TPO: variants seen among roughly 807,000 people sequenced by gnomAD.
TPO encodes thyroid peroxidase.
In TPO, 78 loss-of-function variants were observed where a neutral mutation model predicts 96.9. The observed-to-expected ratio is 0.81, with a 90% confidence interval of 0.67 to 0.97. The LOEUF (loss-of-function observed/expected upper bound fraction) is 0.97. TPO is among the 50% of genes least tolerant of loss of function. TPO has a pLI of 0.00. For missense variants in TPO, 1,252 were observed against 1,274.8 expected, an observed-to-expected ratio of 0.98 and a Z score of 0.27; for synonymous variants, 547 against 538.0, an observed-to-expected ratio of 1.02 and a Z score of -0.23.
intron 14 of TPO, among the ~76,000 whole-genome samples, chr2:1,504,966 C>T (rs1474255788): frequency 6.6e-6 from 1 of 152,122 alleles, no homozygotes; most frequent in Non-Finnish European, 1.5e-5. Context: ...GGACGTCCAG[C>T]CAGGGCGGAG....
At chr2:1,459,640 T>C (rs6732480) in intron 7 of TPO, among the ~76,000 whole-genome samples, 83,318 of 152,090 alleles carry the variant, frequency 0.55, 23,059 homozygotes, top group East Asian at 0.77. Flanking sequence ...AGTTACAAAA[T>C]TCTGGGCATC....
At chr2:1,527,243 G>T (rs1676787237) in intron 15 of TPO, among the ~76,000 whole-genome samples, 1 of 92,620 alleles carries the variant, frequency 1.1e-5, no homozygotes, top group Non-Finnish European at 2.0e-5. Context: ...CCCCCACTGT[G>T]TGCAACCTCC....
At chr2:1,422,397 C>CAGCCGCCTCTCCTGGA (rs1467468825) in intron 2 of TPO, among the ~76,000 whole-genome samples, 1 of 54,870 alleles carries the variant, frequency 1.8e-5, no homozygotes, top group East Asian at 4.7e-4. Flanking sequence ...CCGCGCTGGG[C>CAGCCGCCTCTCCTGGA]CATGGGGAGA....
chr2:1,516,968 G>A lies in TPO; in HGVS notation c.2604G>A (p.Thr868=), dbSNP rs774122174. 40 of 1,613,802 alleles carry A rather than the reference G, an allele frequency of 2.5e-5. No homozygotes were observed. The African/African-American group carries it at 2.9e-4, about 12-fold the overall frequency. ...GAGGCTTCGCAGGTCTCACCTCGACGGTGATTTGCAGGTGGTAAGTCCTTC... is the reference window on the plus strand; with the variant it reads ...GAGGCTTCGCAGGTCTCACCTCGACAGTGATTTGCAGGTGGTAAGTCCTTC... ...LIGGFAGLTS[T]VICRWTRTGT... Residue 868 remains threonine, a synonymous_variant, in exon 15 of 17, where the codon ACG becomes ACA. Transcript: ENST00000329066.
At chr2:1,485,358 A>C (rs997302404) in intron 9 of TPO, among the ~76,000 whole-genome samples, 1 of 152,188 alleles carries the variant, frequency 6.6e-6, no homozygotes, top group Non-Finnish European at 1.5e-5. Context: ...TAGTGCTGCA[A>C]TAAACATACG....
chr2:1,410,280 G>T (rs535261256), upstream of TPO, among the ~76,000 whole-genome samples: 68 of 152,274 alleles, frequency 4.5e-4, no homozygotes, highest in Middle Eastern at 3.4e-3. Flanking sequence ...GATGAAGCTG[G>T]GGGCGAGGAA....
intron 1 of TPO, among the ~76,000 whole-genome samples, chr2:1,389,995 G>A (rs1224469433): frequency 1.3e-5 from 2 of 150,736 alleles, no homozygotes; most frequent in Admixed American, 1.3e-4. Flanking sequence ...CATACAAGAG[G>A]TTAAGTGGTT....
chr2:1,398,561 C>A (rs1275379986), intron 1 of TPO, among the ~76,000 whole-genome samples: 1 of 152,222 alleles, frequency 6.6e-6, no homozygotes, highest in Non-Finnish European at 1.5e-5. Flanking sequence ...CAGGCGGAGA[C>A]CTCTGTCCCT....
intron 2 of TPO, among the ~76,000 whole-genome samples, chr2:1,418,996 C>CAT (rs1573096345): frequency 6.6e-6 from 1 of 152,174 alleles, no homozygotes; most frequent in South Asian, 2.1e-4. Flanking sequence ...TTTTGGCTTT[C>CAT]ATATATATAT....
At chr2:1,540,901 T>A in intron 16 of TPO, 178 bp downstream of exon 16, 1 of 1,545,426 alleles carries the variant, frequency 6.5e-7, no homozygotes, top group East Asian at 2.5e-5. Context: ...TGAGCCAGAA[T>A]GTGAGCCTGC....
chr2:1,497,013 G>A (rs1411512442), intron 13 of TPO, among the ~76,000 whole-genome samples: 1 of 152,180 alleles, frequency 6.6e-6, no homozygotes, highest in African/African-American at 2.4e-5. Context: ...ACCGGTGAGG[G>A]AAGAGAGAGG....
At chr2:1,518,664 TA>T (rs1337727162) in intron 15 of TPO, among the ~76,000 whole-genome samples, 3 of 152,242 alleles carry the variant, frequency 2.0e-5, no homozygotes, top group Admixed American at 1.3e-4. Context: ...CTAACAAAAC[TA>T]ACATACACCA....
chr2:1,387,373 C>A (rs1573053947), intron 1 of TPO, among the ~76,000 whole-genome samples: 1 of 152,194 alleles, frequency 6.6e-6, no homozygotes, highest in Admixed American at 6.5e-5. Context: ...TTGGTCTTTT[C>A]ACATAGTCCC....
At chr2:1,541,303 G>A (rs868692488) in intron 16 of TPO, 7 of 560,134 alleles carry the variant, frequency 1.2e-5, no homozygotes, top group South Asian at 5.6e-5. Context: ...TCTGCTGCAC[G>A]GCATGGGGCG....
intron 15 of TPO, among the ~76,000 whole-genome samples, chr2:1,537,263 ACT>A (rs1679961185): frequency 2.7e-5 from 1 of 37,436 alleles, no homozygotes; most frequent in African/African-American, 1.1e-4. Flanking sequence ...AAATCCCCCC[ACT>A]GTGTGCAACC....
intron 15 of TPO, among the ~76,000 whole-genome samples, chr2:1,538,821 G>C (rs1026996461): frequency 1.3e-5 from 2 of 152,138 alleles, no homozygotes; most frequent in Admixed American, 1.3e-4. Flanking sequence ...AGCAAGTCAC[G>C]GTGTTGGCAG....
intron 10 of TPO, among the ~76,000 whole-genome samples, chr2:1,492,878 T>C (rs1217714755): frequency 2.0e-5 from 3 of 151,830 alleles, no homozygotes; most frequent in Non-Finnish European, 4.4e-5. Flanking sequence ...TCAGAACCCG[T>C]GGGAGTGAGG....
chr2:1,421,457 C>G (rs1217249518), intron 2 of TPO, among the ~76,000 whole-genome samples: 2 of 152,196 alleles, frequency 1.3e-5, no homozygotes, highest in African/African-American at 4.8e-5. Context: ...ATTGATTTGT[C>G]TCACTCCAGA....
chr2:1,485,616 T>C (rs1029386496), intron 9 of TPO, among the ~76,000 whole-genome samples: 2 of 151,732 alleles, frequency 1.3e-5, no homozygotes, highest in African/African-American at 2.4e-5. Context: ...TGTGAGATGG[T>C]ATCTCATTGT....
Sources: gnomAD v4.1 joint callset for allele counts (sites outside exome capture counted in the v4.1 genomes callset) on GRCh38, gnomAD v4.1.1 for gene constraint, MANE v1.5 for transcripts, NCBI Gene and HGNC (gene_info 2026-07-23, HGNC 2026-07-21) for gene names.